G3BP1: variants seen among roughly 807,000 people sequenced by gnomAD.
The protein encoded by G3BP1 is G3BP stress granule assembly factor 1, also known as ras GTPase-activating protein-binding protein 1.
In G3BP1, 35 loss-of-function variants were observed where a neutral mutation model predicts 58.6. That is an observed-to-expected ratio of 0.60 (90% CI 0.46 to 0.79). The LOEUF (loss-of-function observed/expected upper bound fraction) is 0.79. Among genes scored for constraint, G3BP1 ranks in the 30% least tolerant of loss-of-function variants. The probability of loss-of-function intolerance (pLI) is 0.00; values close to 1 mark genes in which losing one functional copy is unlikely to be tolerated. For missense variants in G3BP1, 523 were observed against 580.8 expected, an observed-to-expected ratio of 0.90 and a Z score of 1.02; for synonymous variants, 191 against 195.4, an observed-to-expected ratio of 0.98 and a Z score of 0.19.
chr5:151,789,538 C>T (rs550543339), intron 2 of G3BP1, among the ~76,000 whole-genome samples: 2 of 152,206 alleles, frequency 1.3e-5, no homozygotes, highest in African/African-American at 2.4e-5. Context: ...CTTTGACATT[C>T]TTAATTGCAT....
rs751515297 is a variant in G3BP1 at position 151,790,920 on chromosome 5, TCAC to T, written c.212_214del (p.Thr71del). ...CACAGGAAAGTGATGTCACAAAACT[TCAC>T]CAACTGCCACACCAAGATTCGCCAT... is the stretch of plus-strand genomic sequence containing the variant. On this transcript the variant is annotated inframe_deletion, in exon 4 of 12. Transcript: ENST00000356245. 3 of 1,606,692 alleles carry T rather than the reference TCAC, an allele frequency of 1.9e-6. No individual in the cohort carries two copies. Among genetic ancestry groups the T allele is most frequent in the Non-Finnish European group, 1.7e-6 (2 of 1,175,474 alleles).
chr5:151,793,556 A>G (rs974639245), intron 4 of G3BP1, among the ~76,000 whole-genome samples: 4 of 152,186 alleles, frequency 2.6e-5, no homozygotes, highest in East Asian at 1.9e-4. Context: ...TTTACCGGCT[A>G]TTGTAGAGTG....
intron 1 of G3BP1, among the ~76,000 whole-genome samples, chr5:151,774,553 G>T (rs1452179168): frequency 6.6e-6 from 1 of 151,698 alleles, no homozygotes; most frequent in African/African-American, 2.4e-5. Flanking sequence ...TGATAAAACT[G>T]CCCACTTGGT....
In G3BP1 at chr5:151,786,424, A is replaced by G. The variant is rs568058957; in HGVS notation, c.-49-148A>G. 431 of 537,424 alleles carry G rather than the reference A, an allele frequency of 8.0e-4. 2 individuals carry two copies. Among genetic ancestry groups the G allele is most frequent in the African/African-American group, 7.6e-3 (402 of 52,600 alleles). The allele number at this position is 537,424 out of a possible 1,614,324, so 33.3% of individuals were successfully genotyped here. A position where few individuals can be genotyped will look rare whatever the true frequency, so the allele number is the denominator to read the frequency against. On this transcript the variant is annotated intron_variant, in intron 1 of 11. Coordinates refer to ENST00000356245, the MANE Select transcript of G3BP1 (RefSeq NM_005754.3). ...TTTTGTATTCATATGATTGCAATAC[A>G]TTTGTATAAAATCTCAACTGGTCTG...
rs1346654461 is a variant in G3BP1 at position 151,804,346 on chromosome 5, A to G, written c.*255A>G. The G allele has an allele frequency of 1.1e-5, 4 of 360,232 alleles. No homozygotes were observed. The highest frequency in any genetic ancestry group is 8.4e-5 in the East Asian group (2 of 23,950). 22.3% of individuals were successfully genotyped at this position (360,232 alleles called of 1,614,324 possible). On this transcript the variant is annotated 3_prime_UTR_variant, in exon 12 of 12. Coordinates refer to ENST00000356245, the MANE Select transcript of G3BP1 (RefSeq NM_005754.3). ...CGGACTTTTAAAGAAGCAAAAAAAA[A>G]GACTGAATTTCCTTGCTTACTTTGC... is the stretch of plus-strand genomic sequence containing the variant.
chr5:151,796,405 A>C (rs1361430826), intron 6 of G3BP1, among the ~76,000 whole-genome samples: 1 of 152,108 alleles, frequency 6.6e-6, no homozygotes, highest in Non-Finnish European at 1.5e-5. Context: ...AGTAGCTGGG[A>C]CTACAGGCGC....
intron 1 of G3BP1, among the ~76,000 whole-genome samples, chr5:151,773,853 C>A (rs1561528959): frequency 6.6e-6 from 1 of 152,136 alleles, no homozygotes; most frequent in South Asian, 2.1e-4. Flanking sequence ...TACATTTAAA[C>A]TGTTTAAGCT....
rs1762965135 is a variant in G3BP1, at chr5:151,808,108, T to C, written c.*4017T>C. ...TAAGTTAAAGTTGCTGATCAAGTAA[T>C]GGCCGTGTGGCACAAGATGATAACT... On this transcript the variant is annotated 3_prime_UTR_variant, in exon 12 of 12. Transcript: ENST00000356245. 6.6e-6 allele frequency: 1 copy of C among 152,212 alleles called. No individual in the cohort carries two copies. Among genetic ancestry groups the C allele is most frequent in the Admixed American group, 6.5e-5 (1 of 15,286 alleles). The allele number at this position is 152,212 out of a possible 1,614,324, so 9.4% of individuals were successfully genotyped here.
chr5:151,774,955 C>T (rs144644924), intron 1 of G3BP1, among the ~76,000 whole-genome samples: 67 of 152,280 alleles, frequency 4.4e-4, no homozygotes, highest in Middle Eastern at 3.4e-3. Context: ...TATTCTTGGA[C>T]ATCCTGTCTG....
At chr5:151,782,410 C>T (rs1385886462) in intron 1 of G3BP1, among the ~76,000 whole-genome samples, 1 of 152,160 alleles carries the variant, frequency 6.6e-6, no homozygotes, top group Non-Finnish European at 1.5e-5. Flanking sequence ...TAAAGGTAGC[C>T]TTTGACAACT....
At position 151,806,778 on chromosome 5, in the gene G3BP1, T is replaced by C. The variant is rs529400905; in HGVS notation, c.*2687T>C. ...TTATTAGCTACTGAGCTTAGAACTC[T>C]TGACCCATGAGATTTTTTTTTTAAA... is the stretch of plus-strand genomic sequence containing the variant. On this transcript the variant is annotated 3_prime_UTR_variant, in exon 12 of 12. Coordinates refer to ENST00000356245, the MANE Select transcript of G3BP1 (RefSeq NM_005754.3). The C allele has an allele frequency of 1.3e-3, 205 of 152,340 alleles. No homozygotes were observed. The highest frequency in any genetic ancestry group is 4.4e-3 in the African/African-American group (184 of 41,574). 9.4% of individuals were successfully genotyped at this position (152,340 alleles called of 1,614,324 possible). A position where few individuals can be genotyped will look rare whatever the true frequency, so the allele number is the denominator to read the frequency against.
chr5:151,788,791 T>C (rs538765513), intron 2 of G3BP1, among the ~76,000 whole-genome samples: 240 of 151,598 alleles, frequency 1.6e-3, no homozygotes, highest in Non-Finnish European at 2.7e-3. Context: ...TCTTTTTTTT[T>C]CTGGAGACAG....
In G3BP1 at chr5:151,806,290, T is replaced by A. The variant is rs1762938100; in HGVS notation, c.*2199T>A. 6.6e-6 allele frequency: 1 copy of A among 152,200 alleles called. No individual in the cohort carries two copies. The highest frequency in any genetic ancestry group is 2.1e-4 in the South Asian group (1 of 4,826). 9.4% of individuals were successfully genotyped at this position (152,200 alleles called of 1,614,324 possible). A position where few individuals can be genotyped will look rare whatever the true frequency, so the allele number is the denominator to read the frequency against. On this transcript the variant is annotated 3_prime_UTR_variant, in exon 12 of 12. Transcript: ENST00000356245. ...ATCTGTTTCAAGAATTGCAGTAACA[T>A]CTACTCTAAGGAATTAGTAATTTCA...
chr5:151,804,273 C>T lies in G3BP1; in HGVS notation c.*182C>T. 2 of 407,678 alleles carry T rather than the reference C, an allele frequency of 4.9e-6. No homozygotes were observed. The highest frequency in any genetic ancestry group is 4.3e-6 in the Non-Finnish European group (1 of 231,406). 25.3% of individuals were successfully genotyped at this position (407,678 alleles called of 1,614,324 possible). A position where few individuals can be genotyped will look rare whatever the true frequency, so the allele number is the denominator to read the frequency against. On this transcript the variant is annotated 3_prime_UTR_variant, in exon 12 of 12. Transcript: ENST00000356245. Reference sequence around the variant, plus strand: ...CCTCTCCCTCTCTTCCCTTTCCTGACCTTTAGTCTTTCACTTCCAATTTTG... The same window carrying T: ...CCTCTCCCTCTCTTCCCTTTCCTGATCTTTAGTCTTTCACTTCCAATTTTG...
rs1298250776 is a variant in G3BP1, at chr5:151,786,794, ATCT to A, written c.95+81_95+83del. ...TATCTTTGAGATTCTCCCACTCATCATCTTATGCTTTGTAGGGTTGTTGCATAA... is the reference window on the plus strand; with the variant it reads ...TATCTTTGAGATTCTCCCACTCATCATATGCTTTGTAGGGTTGTTGCATAA... On this transcript the variant is annotated intron_variant, in intron 2 of 11. Transcript: ENST00000356245. 8.0e-6 allele frequency: 7 copies of A among 876,518 alleles called. No homozygotes were observed. The African/African-American group carries it at 8.3e-5, about 10-fold the overall frequency. 54.3% of individuals were successfully genotyped at this position (876,518 alleles called of 1,614,324 possible).
rs546015014 is a variant in G3BP1, at chr5:151,773,341, C to T, written c.-50+1305C>T. ...GCCCAGTTACAGTATACTATTTGGACCTCTGTGGAGCGTGTCATGCTGGAT... is the reference window on the plus strand; with the variant it reads ...GCCCAGTTACAGTATACTATTTGGATCTCTGTGGAGCGTGTCATGCTGGAT... On this transcript the variant is annotated intron_variant, in intron 1 of 11. Coordinates refer to ENST00000356245, the MANE Select transcript of G3BP1 (RefSeq NM_005754.3). Among the ~76,000 whole-genome samples, 18 of 152,234 alleles carry T rather than the reference C, an allele frequency of 1.2e-4. No individual in the cohort carries two copies. In the South Asian group the frequency reaches 3.7e-3, roughly 32 times the overall value.
rs778141231 is a variant in G3BP1 at position 151,800,753 on chromosome 5, C to T, written c.1085-7C>T. The T allele has an allele frequency of 1.0e-5, 16 of 1,551,684 alleles. No individual in the cohort carries two copies. Among genetic ancestry groups the T allele is most frequent in the Non-Finnish European group, 1.3e-5 (15 of 1,123,416 alleles). On this transcript the variant is annotated splice_region_variant and splice_polypyrimidine_tract_variant and intron_variant, in intron 10 of 11. Coordinates refer to ENST00000356245, the MANE Select transcript of G3BP1 (RefSeq NM_005754.3). ...AGTAGTTATCTGAGAATGTGTTTCACTTGCAGGTTATGGAAACGTGGTGGA... is the reference window on the plus strand; with the variant it reads ...AGTAGTTATCTGAGAATGTGTTTCATTTGCAGGTTATGGAAACGTGGTGGA...
intron 2 of G3BP1, among the ~76,000 whole-genome samples, chr5:151,789,723 T>C (rs1241319272): frequency 1.3e-5 from 2 of 152,196 alleles, no homozygotes; most frequent in South Asian, 2.1e-4. Context: ...TAGGAACTTA[T>C]GTATTGGTGG....
At chr5:151,800,916 G>T (rs757536804) in intron 11 of G3BP1, 47 bp downstream of exon 11, 19 of 922,972 alleles carry the variant, frequency 2.1e-5, no homozygotes, top group African/African-American at 1.4e-4. Flanking sequence ...TTTAAAAAGG[G>T]TTTTGGTTCT....
Sources: gnomAD v4.1 joint callset for allele counts (sites outside exome capture counted in the v4.1 genomes callset) on GRCh38, gnomAD v4.1.1 for gene constraint, MANE v1.5 for transcripts, NCBI Gene and HGNC (gene_info 2026-07-23, HGNC 2026-07-21) for gene names.